The following CLEC6A variants were observed in gnomAD, a reference collection of about 807,000 sequenced individuals.
CLEC6A encodes the protein C-type lectin domain containing 6A.
CLEC6A carries 22 observed loss-of-function variants against 25.7 expected under a neutral mutation model. That is an observed-to-expected ratio of 0.85 (90% CI 0.61 to 1.22). CLEC6A has a LOEUF of 1.22. Ranked by LOEUF, CLEC6A falls within the 50% of genes most tolerant of loss-of-function variation. The pLI, the probability that CLEC6A is intolerant of heterozygous loss-of-function variation, is 0.00. For synonymous variants in CLEC6A, 92 were observed against 76.7 expected, an observed-to-expected ratio of 1.20 and a Z score of -1.04; for missense variants, 240 against 236.8, an observed-to-expected ratio of 1.01 and a Z score of -0.09.
intron 3 of CLEC6A, among the ~76,000 whole-genome samples, chr12:8,462,665 C>A (rs1239819173): frequency 6.6e-6 from 1 of 151,264 alleles, no homozygotes; most frequent in Non-Finnish European, 1.5e-5. Flanking sequence ...GACCTTCTCT[C>A]CACTATTATC....
Position 8,462,344 on chromosome 12 carries a change from C to T in CLEC6A, c.223+2646C>T, listed in dbSNP as rs1939769227. ...AACACCTGACCGTCCCCCAGCCTGACACCCGTAAAGGGTCTGTGCTGAGGA... is the reference window on the plus strand; with the variant it reads ...AACACCTGACCGTCCCCCAGCCTGATACCCGTAAAGGGTCTGTGCTGAGGA... On this transcript the variant is annotated intron_variant, in intron 3 of 5. Transcript: ENST00000382073. 2.1e-5 allele frequency among the ~76,000 whole-genome samples: 3 copies of T among 141,462 alleles called. No individual in the cohort carries two copies. In the South Asian group the frequency reaches 7.7e-4, roughly 36 times the overall value. The allele number at this position is 141,462 out of a possible 152,430, so 92.8% of individuals were successfully genotyped here. A position where few individuals can be genotyped will look rare whatever the true frequency, so the allele number is the denominator to read the frequency against.
chr12:8,460,564 C>A, intron 3 of CLEC6A: 1 of 883,798 alleles, frequency 1.1e-6, no homozygotes, highest in Non-Finnish European at 1.8e-6. Flanking sequence ...CAGTCAGCTT[C>A]ATGGAAAAGG....
intron 1 of CLEC6A, 129 bp from the exon 2 acceptor site, chr12:8,457,769 G>C (rs1939696280): frequency 1.5e-6 from 1 of 663,722 alleles, no homozygotes. Flanking sequence ...TTTGTAAGCT[G>C]TCTTCTTGCT....
chr12:8,456,431 G>A (rs1028861531), intron 1 of CLEC6A, among the ~76,000 whole-genome samples: 1 of 152,142 alleles, frequency 6.6e-6, no homozygotes, highest in Non-Finnish European at 1.5e-5. Context: ...ACTGATTATT[G>A]GATGTCTGCT....
chr12:8,465,724 A>G lies in CLEC6A; in HGVS notation c.369+95A>G, dbSNP rs867872093. 14 of 1,031,850 alleles carry G rather than the reference A, an allele frequency of 1.4e-5. No homozygotes were observed. The Middle Eastern group carries it at 3.0e-3, about 221-fold the overall frequency. The allele number at this position is 1,031,850 out of a possible 1,614,324, so 63.9% of individuals were successfully genotyped here. A position where few individuals can be genotyped will look rare whatever the true frequency, so the allele number is the denominator to read the frequency against. The stretch of plus-strand genomic sequence containing the variant: ...ATTTTTCAGTGTACTGTTCAGTAGC[A>G]TTTACTATTTTCACATTACTGGGTA... On this transcript the variant is annotated intron_variant, in intron 4 of 5. Transcript: ENST00000382073.
intron 1 of CLEC6A, 31 bp from the exon 2 acceptor site, chr12:8,457,867 A>G (rs750411523): frequency 1.3e-6 from 2 of 1,555,432 alleles, no homozygotes; most frequent in Non-Finnish European, 8.9e-7. Context: ...GCCCCCTGGT[A>G]ACTGCATTTG....
chr12:8,465,170 A>G (rs1939813280), intron 3 of CLEC6A, among the ~76,000 whole-genome samples: 2 of 151,978 alleles, frequency 1.3e-5, no homozygotes, highest in Non-Finnish European at 2.9e-5. Context: ...CGTCTGTGTT[A>G]GTCGTTTAAA....
intron 4 of CLEC6A, among the ~76,000 whole-genome samples, chr12:8,475,203 G>A (rs1939956865): frequency 6.6e-6 from 1 of 152,046 alleles, no homozygotes; most frequent in African/African-American, 2.4e-5. Flanking sequence ...TAGGGAAGAA[G>A]TACTCAGGGG....
chr12:8,468,118 T>C (rs188496241), intron 4 of CLEC6A, among the ~76,000 whole-genome samples: 92 of 152,206 alleles, frequency 6.0e-4, no homozygotes, highest in African/African-American at 2.2e-3. Context: ...ATGTTTTGTA[T>C]TTTTAGTAGA....
intron 4 of CLEC6A, among the ~76,000 whole-genome samples, chr12:8,473,781 G>A (rs181967141): frequency 3.2e-4 from 49 of 152,248 alleles, no homozygotes; most frequent in Non-Finnish European, 5.7e-4. Flanking sequence ...TGACTGCTGT[G>A]AGATGGTATC....
intron 1 of CLEC6A, 52 bp from the exon 2 acceptor site, chr12:8,457,846 T>C (rs1939697570): frequency 7.5e-7 from 1 of 1,332,328 alleles, no homozygotes; most frequent in South Asian, 1.2e-5. Context: ...CCTGGGGATT[T>C]TGGCTCCCTG....
intron 4 of CLEC6A, among the ~76,000 whole-genome samples, chr12:8,467,080 T>G (rs1939842474): frequency 6.6e-6 from 1 of 152,258 alleles, no homozygotes; most frequent in South Asian, 2.1e-4. Flanking sequence ...GTTCCTTATA[T>G]ATTCTTGATA....
rs781184497 is a variant in CLEC6A, at chr12:8,475,982, T to C, written c.370-143T>C. The C allele has an allele frequency of 1.9e-4, 100 of 534,098 alleles. 1 individual carries two copies. The highest frequency in any genetic ancestry group is 9.3e-4 in the Middle Eastern group (2 of 2,142). 33.1% of individuals were successfully genotyped at this position (534,098 alleles called of 1,614,324 possible). A position where few individuals can be genotyped will look rare whatever the true frequency, so the allele number is the denominator to read the frequency against. The stretch of plus-strand genomic sequence containing the variant: ...TGATATTGTTACTTTTGGCCTGTAC[T>C]CCTGGTCAGAAGGCCATCATGTGAC... On this transcript the variant is annotated intron_variant, in intron 4 of 5. Coordinates refer to ENST00000382073, the MANE Select transcript of CLEC6A (RefSeq NM_001007033.2).
At position 8,477,516 on chromosome 12, in the gene CLEC6A, T is replaced by TGAC; in HGVS notation, c.*54_*56dup. The TGAC allele has an allele frequency of 6.9e-7, 1 of 1,440,872 alleles. No individual in the cohort carries two copies. The allele number at this position is 1,440,872 out of a possible 1,614,324, so 89.3% of individuals were successfully genotyped here. The stretch of plus-strand genomic sequence containing the variant: ...AGAATTACTGACGTAATTTTTTCCC[T>TGAC]GACGTCTTTAAAATTGAACCCTATC... On this transcript the variant is annotated 3_prime_UTR_variant, in exon 6 of 6. Transcript: ENST00000382073.
At chr12:8,471,594 T>A (rs746437806) in intron 4 of CLEC6A, among the ~76,000 whole-genome samples, 7 of 152,212 alleles carry the variant, frequency 4.6e-5, no homozygotes, top group South Asian at 4.1e-4. Context: ...TCTCTTATAA[T>A]CCCTTTTATT....
At chr12:8,467,215 T>C (rs1939845063) in intron 4 of CLEC6A, among the ~76,000 whole-genome samples, 1 of 152,190 alleles carries the variant, frequency 6.6e-6, no homozygotes, top group African/African-American at 2.4e-5. Flanking sequence ...CATTTGTCTA[T>C]TTTTTTGCTT....
At chr12:8,461,374 G>A (rs1939751288) in intron 3 of CLEC6A, 2 of 389,612 alleles carry the variant, frequency 5.1e-6, no homozygotes, top group Admixed American at 7.8e-5. Context: ...TCAACAACTA[G>A]CATTTGAATG....
At chr12:8,476,071 C>A (rs1020778246) in intron 4 of CLEC6A, 54 bp from the exon 5 acceptor site, 1 of 1,164,186 alleles carries the variant, frequency 8.6e-7, no homozygotes, top group Non-Finnish European at 1.3e-6. Flanking sequence ...AACCTTTACT[C>A]TGTTCAATCT....
chr12:8,457,895 C>A lies in CLEC6A; in HGVS notation c.32-3C>A. ...TGCATTTGTTGTCTTCCTGATTGGACAGAGAAAAGAGGCTGGTTGTCCCTG... is the reference window on the plus strand; with the variant it reads ...TGCATTTGTTGTCTTCCTGATTGGAAAGAGAAAAGAGGCTGGTTGTCCCTG... On this transcript the variant is annotated splice_polypyrimidine_tract_variant and splice_region_variant and intron_variant, in intron 1 of 5. Transcript: ENST00000382073. 2 of 1,612,298 alleles carry A rather than the reference C, an allele frequency of 1.2e-6. No homozygotes were observed. Among genetic ancestry groups the A allele is most frequent in the Non-Finnish European group, 1.7e-6 (2 of 1,178,418 alleles).
Sources: gnomAD v4.1 joint callset for allele counts (sites outside exome capture counted in the v4.1 genomes callset) on GRCh38, gnomAD v4.1.1 for gene constraint, MANE v1.5 for transcripts, NCBI Gene and HGNC (gene_info 2026-07-23, HGNC 2026-07-21) for gene names.